Variants in WASF1 observed in about 807,000 individuals in gnomAD.
The protein encoded by WASF1 is actin-binding protein WASF1.
WASF1 carries 7 observed loss-of-function variants against 50.5 expected under a neutral mutation model. The ratio of observed to expected loss-of-function variants is 0.14; its 90% CI spans 0.08 to 0.26. The LOEUF (loss-of-function observed/expected upper bound fraction) is 0.26, where lower values mean the gene tolerates loss of function less well. Among genes scored for constraint, WASF1 ranks in the 10% least tolerant of loss-of-function variants. The pLI is 1.00. For missense variants in WASF1, 470 were observed against 694.7 expected, an observed-to-expected ratio of 0.68 and a Z score of 3.64; for synonymous variants, 205 against 244.0, an observed-to-expected ratio of 0.84 and a Z score of 1.49.
intron 2 of WASF1, among the ~76,000 whole-genome samples, chr6:110,164,878 T>A (rs963772848): frequency 6.6e-6 from 1 of 151,518 alleles, no homozygotes; most frequent in African/African-American, 2.4e-5. Flanking sequence ...AAATGAAATA[T>A]CAAGCCATGA....
At chr6:110,132,109 C>T (rs1318528281) in intron 3 of WASF1, among the ~76,000 whole-genome samples, 1 of 152,046 alleles carries the variant, frequency 6.6e-6, no homozygotes, top group African/African-American at 2.4e-5. Flanking sequence ...AAGTCTTATA[C>T]ATCATTATTT....
At chr6:110,106,357 C>G (rs1773324700) in intron 7 of WASF1, among the ~76,000 whole-genome samples, 1 of 152,200 alleles carries the variant, frequency 6.6e-6, no homozygotes, top group Non-Finnish European at 1.5e-5. Flanking sequence ...AGCTAGAACA[C>G]TGGGTTACCA....
chr6:110,153,792 G>GA (rs200326015), intron 3 of WASF1, among the ~76,000 whole-genome samples: 4,965 of 128,198 alleles, frequency 0.039, 147 homozygotes, highest in South Asian at 0.13. Flanking sequence ...CCTCAAAAAA[G>GA]AAAAAAAAAA....
intron 2 of WASF1, among the ~76,000 whole-genome samples, chr6:110,164,196 T>C (rs1291030925): frequency 6.6e-6 from 1 of 151,678 alleles, no homozygotes; most frequent in South Asian, 2.1e-4. Flanking sequence ...TGAAAAATAA[T>C]TGGTAAGTTG....
chr6:110,169,017 T>TCATATAATGTGTTG (rs1269041990), intron 2 of WASF1, among the ~76,000 whole-genome samples: 1 of 152,044 alleles, frequency 6.6e-6, no homozygotes, highest in African/African-American at 2.4e-5. Flanking sequence ...AACAGAACAG[T>TCATATAATGTGTTG]CATATTAAGA....
At chr6:110,167,189 A>G (rs759467919) in intron 2 of WASF1, among the ~76,000 whole-genome samples, 3 of 151,928 alleles carry the variant, frequency 2.0e-5, no homozygotes, top group African/African-American at 7.2e-5. Context: ...CGCCAGTTAC[A>G]TAAAAGTATA....
intron 3 of WASF1, among the ~76,000 whole-genome samples, chr6:110,158,968 T>C (rs1315598364): frequency 2.6e-5 from 4 of 151,920 alleles, no homozygotes; most frequent in African/African-American, 9.7e-5. Context: ...ATTAACCAAA[T>C]AGCCATTTAC....
chr6:110,173,295 A>G (rs1172566493), intron 2 of WASF1, among the ~76,000 whole-genome samples: 1 of 152,126 alleles, frequency 6.6e-6, no homozygotes, highest in African/African-American at 2.4e-5. Context: ...ACTAACTACT[A>G]TCAAGCACAC....
At chr6:110,167,684 C>G (rs538898410) in intron 2 of WASF1, among the ~76,000 whole-genome samples, 13 of 152,012 alleles carry the variant, frequency 8.6e-5, no homozygotes, top group Admixed American at 5.3e-4. Flanking sequence ...CACTATAACC[C>G]TCAAATAAGG....
rs1474145965 is a variant in WASF1, at chr6:110,124,277, TA to T, written c.133+3191del. 1.0e-3 allele frequency among the ~76,000 whole-genome samples: 53 copies of T among 51,028 alleles called. 1 individual carries two copies. The highest frequency in any genetic ancestry group is 4.9e-3 in the African/African-American group (49 of 10,048). 33.5% of individuals were successfully genotyped at this position (51,028 alleles called of 152,430 possible). A position where few individuals can be genotyped will look rare whatever the true frequency, so the allele number is the denominator to read the frequency against. Reference sequence around the variant, plus strand: ...CTCTCTCTCTCTCTCTCTCTCTCTATATATATATATATATATATATATATAT... The same window carrying T: ...CTCTCTCTCTCTCTCTCTCTCTCTATTATATATATATATATATATATATAT... On this transcript the variant is annotated intron_variant, in intron 4 of 10. Transcript: ENST00000392589.
chr6:110,141,980 C>A (rs1316419208), intron 3 of WASF1, among the ~76,000 whole-genome samples: 1 of 152,110 alleles, frequency 6.6e-6, no homozygotes, highest in Non-Finnish European at 1.5e-5. Context: ...CCGTGTCAGG[C>A]TGGTCTCGAA....
At chr6:110,153,848 G>GCT (rs1278365121) in intron 3 of WASF1, among the ~76,000 whole-genome samples, 1 of 151,474 alleles carries the variant, frequency 6.6e-6, no homozygotes, top group African/African-American at 2.4e-5. Flanking sequence ...CTGGTAATTT[G>GCT]AGGTTTATGC....
intron 2 of WASF1, among the ~76,000 whole-genome samples, chr6:110,162,970 A>G (rs937567052): frequency 6.6e-6 from 1 of 151,646 alleles, no homozygotes; most frequent in African/African-American, 2.4e-5. Flanking sequence ...AAGATGACAT[A>G]ATTGTCTACA....
chr6:110,122,198 G>C (rs982645748), intron 4 of WASF1, among the ~76,000 whole-genome samples: 1 of 137,334 alleles, frequency 7.3e-6, no homozygotes, highest in Non-Finnish European at 1.6e-5. Context: ...AAATAAGAAA[G>C]AAAGTAAAGA....
At chr6:110,104,684 G>T (rs1274817392) in intron 8 of WASF1, among the ~76,000 whole-genome samples, 1 of 152,178 alleles carries the variant, frequency 6.6e-6, no homozygotes, top group Non-Finnish European at 1.5e-5. Context: ...AGCTACTTGG[G>T]AGGCTGAGGT....
At chr6:110,166,463 GACCAGGGAC>G (rs1376766003) in intron 2 of WASF1, among the ~76,000 whole-genome samples, 1 of 151,824 alleles carries the variant, frequency 6.6e-6, no homozygotes, top group Admixed American at 6.6e-5. Flanking sequence ...CTCAAAAAAT[GACCAGGGAC>G]ACCAGAAAGT....
intron 2 of WASF1, among the ~76,000 whole-genome samples, chr6:110,165,370 G>T (rs1287830604): frequency 6.6e-6 from 1 of 151,602 alleles, no homozygotes; most frequent in Non-Finnish European, 1.5e-5. Flanking sequence ...TAAAAAAGAA[G>T]TTGGAAGATG....
At chr6:110,174,714 C>G (rs1056114493) in intron 2 of WASF1, among the ~76,000 whole-genome samples, 6 of 152,144 alleles carry the variant, frequency 3.9e-5, no homozygotes, top group African/African-American at 1.4e-4. Flanking sequence ...ATCTAGCAAG[C>G]AAGCAATGTC....
At chr6:110,129,455 C>A (rs183115850) in intron 3 of WASF1, among the ~76,000 whole-genome samples, 134 of 152,238 alleles carry the variant, frequency 8.8e-4, no homozygotes, top group African/African-American at 3.1e-3. Flanking sequence ...TTAGCGAAGG[C>A]AAACCTACAG....
Sources: gnomAD v4.1 joint callset for allele counts (sites outside exome capture counted in the v4.1 genomes callset) on GRCh38, gnomAD v4.1.1 for gene constraint, MANE v1.5 for transcripts, NCBI Gene and HGNC (gene_info 2026-07-23, HGNC 2026-07-21) for gene names.